Variants in NTM observed in about 807,000 individuals in gnomAD.
NTM encodes IgLON family member 2.
NTM carries 13 observed loss-of-function variants against 42.1 expected under a neutral mutation model. The observed-to-expected ratio is 0.31, with a 90% CI of 0.20 to 0.49. NTM has a LOEUF of 0.49. NTM is among the 20% of genes least tolerant of loss of function. The pLI, the probability that NTM is intolerant of heterozygous loss-of-function variation, is 0.99. For synonymous variants in NTM, 187 were observed against 179.2 expected (o/e 1.04, Z -0.35); for missense variants, 373 against 452.8 (o/e 0.82, Z 1.60).
intron 4 of NTM, among the ~76,000 whole-genome samples, chr11:132,245,880 G>C (rs921572919): frequency 2.0e-5 from 3 of 152,146 alleles, no homozygotes; most frequent in Non-Finnish European, 4.4e-5. Flanking sequence ...TGTGCAGAGA[G>C]ACTCGGGGAG....
chr11:131,564,478 G>C (rs1003117579), intron 1 of NTM, among the ~76,000 whole-genome samples: 1 of 151,930 alleles, frequency 6.6e-6, no homozygotes. Context: ...GAGAGAGCAG[G>C]CTCTTTAGTG....
chr11:131,876,566 T>A (rs1039952655), intron 1 of NTM, among the ~76,000 whole-genome samples: 1 of 152,220 alleles, frequency 6.6e-6, no homozygotes, highest in African/African-American at 2.4e-5. Flanking sequence ...ATGAGGCATT[T>A]CAAAGCCAAA....
chr11:131,910,612 G>A (rs1193652909), intron 1 of NTM, among the ~76,000 whole-genome samples: 4 of 150,770 alleles, frequency 2.7e-5, no homozygotes, highest in African/African-American at 9.7e-5. Context: ...GCCCGCGCGC[G>A]TCGGGGCTGC....
chr11:131,628,269 C>A (rs2063319759), intron 1 of NTM, among the ~76,000 whole-genome samples: 1 of 152,196 alleles, frequency 6.6e-6, no homozygotes. Flanking sequence ...CCCTTCCTCC[C>A]AGTAATTAAT....
chr11:131,394,369 C>CA (rs1452874356), intron 1 of NTM, among the ~76,000 whole-genome samples: 16 of 152,228 alleles, frequency 1.1e-4, no homozygotes, highest in Admixed American at 6.5e-5. Context: ...CCCTGCCCCC[C>CA]AGCCTTTTGC....
chr11:131,568,366 A>G (rs1239826647), intron 1 of NTM, among the ~76,000 whole-genome samples: 1 of 152,210 alleles, frequency 6.6e-6, no homozygotes, highest in Non-Finnish European at 1.5e-5. Context: ...TTCACTTGAT[A>G]TGGTATTGTC....
intron 1 of NTM, among the ~76,000 whole-genome samples, chr11:131,776,661 C>T (rs2087039614): frequency 6.6e-6 from 1 of 152,010 alleles, no homozygotes; most frequent in South Asian, 2.1e-4. Flanking sequence ...CTGCAACAAA[C>T]AAATTCCAAC....
intron 1 of NTM, among the ~76,000 whole-genome samples, chr11:131,415,320 A>G (rs536969229): frequency 6.6e-6 from 1 of 152,314 alleles, no homozygotes; most frequent in African/African-American, 2.4e-5. Context: ...GGTGTGCCAC[A>G]GCTCTTCCCA....
chr11:131,536,923 G>C (rs2052334276), intron 1 of NTM: 1 of 152,204 alleles, frequency 6.6e-6, no homozygotes, highest in South Asian at 2.1e-4. Flanking sequence ...GGGGGACCCA[G>C]CCCAGAGGAA....
In NTM at chr11:131,503,604, C is replaced by A. The variant is rs568635130; in HGVS notation, c.82+132716C>A. ...GTGGCACAGTCATGGCTCACTGTAG[C>A]CTTAACCTCCCAGACTCAAGCAATT... is the stretch of plus-strand genomic sequence containing the variant. On this transcript the variant is annotated intron_variant, in intron 1 of 8. Transcript: ENST00000683400. 7.3e-5 allele frequency among the ~76,000 whole-genome samples: 11 copies of A among 151,722 alleles called. 1 individual carries two copies. The highest frequency in any genetic ancestry group is 2.4e-4 in the African/African-American group (10 of 41,312).
intron 1 of NTM, among the ~76,000 whole-genome samples, chr11:131,856,105 A>C (rs1038404656): frequency 4.6e-5 from 7 of 152,190 alleles, no homozygotes; most frequent in Non-Finnish European, 7.3e-5. Flanking sequence ...TGTTTGGAGC[A>C]CTGGTACTTG....
At chr11:131,843,890 A>T (rs927757917) in intron 1 of NTM, among the ~76,000 whole-genome samples, 2 of 148,080 alleles carry the variant, frequency 1.4e-5, no homozygotes, top group Non-Finnish European at 1.5e-5. Context: ...TTGGGATTTT[A>T]TTCTCTTTTT....
chr11:132,168,893 A>G (rs1377202271), intron 3 of NTM, among the ~76,000 whole-genome samples: 2 of 152,170 alleles, frequency 1.3e-5, no homozygotes, highest in Non-Finnish European at 2.9e-5. Flanking sequence ...CACTTTACAC[A>G]TGTCTTAGAC....
At chr11:131,961,224 T>G (rs1336191384) in intron 2 of NTM, among the ~76,000 whole-genome samples, 1 of 152,172 alleles carries the variant, frequency 6.6e-6, no homozygotes, top group Non-Finnish European at 1.5e-5. Context: ...TTCCCTCCAT[T>G]TATTTTGTCC....
chr11:131,894,893 G>C (rs1320311157), intron 1 of NTM, among the ~76,000 whole-genome samples: 1 of 152,172 alleles, frequency 6.6e-6, no homozygotes, highest in East Asian at 1.9e-4. Flanking sequence ...ATGTTCTGTT[G>C]AAAGGCCACT....
intron 1 of NTM, among the ~76,000 whole-genome samples, chr11:131,883,389 C>G (rs2049864847): frequency 1.3e-5 from 2 of 152,286 alleles, no homozygotes; most frequent in African/African-American, 4.8e-5. Flanking sequence ...AGTAGGTCAC[C>G]TCTTCTCTCT....
chr11:131,514,501 A>T (rs1287947448), intron 1 of NTM, among the ~76,000 whole-genome samples: 2 of 152,232 alleles, frequency 1.3e-5, no homozygotes. Context: ...GGAAGGTGGA[A>T]TTCAGGTATC....
At chr11:131,639,981 TAAAATA>T (rs1455241593) in intron 1 of NTM, among the ~76,000 whole-genome samples, 1 of 141,644 alleles carries the variant, frequency 7.1e-6, no homozygotes, top group African/African-American at 2.5e-5. Flanking sequence ...AAATAAATAA[TAAAATA>T]AAAATAAATA....
intron 2 of NTM, among the ~76,000 whole-genome samples, chr11:132,139,396 C>T (rs1282953195): frequency 1.3e-5 from 2 of 152,202 alleles, no homozygotes; most frequent in Non-Finnish European, 2.9e-5. Context: ...CCCATTCTTG[C>T]TTCAGCATTT....
Sources: gnomAD v4.1 joint callset for allele counts (sites outside exome capture counted in the v4.1 genomes callset) on GRCh38, gnomAD v4.1.1 for gene constraint, MANE v1.5 for transcripts, NCBI Gene and HGNC (gene_info 2026-07-23, HGNC 2026-07-21) for gene names.